BCL2L14: variants seen among roughly 807,000 people sequenced by gnomAD.
The protein encoded by BCL2L14 is apoptosis facilitator Bcl-2-like protein 14.
BCL2L14 carries 27 observed loss-of-function variants against 35.3 expected under a neutral mutation model. The observed-to-expected ratio is 0.76, with a 90% CI of 0.56 to 1.05. The LOEUF is 1.05. Among genes scored for constraint, BCL2L14 ranks in the 50% least tolerant of loss-of-function variants. The pLI is 0.00. For synonymous variants in BCL2L14, 139 were observed against 145.9 expected (o/e 0.95, Z 0.34); for missense variants, 377 against 382.6 (o/e 0.99, Z 0.12).
At position 12,094,734 on chromosome 12, in the gene BCL2L14, C is replaced by A; in HGVS notation, c.749C>A (p.Thr250Lys). The change falls in exon 5 of 6, where the codon ACA (threonine) becomes AAA (lysine). Residue 250 changes from threonine to lysine, a missense_variant. Transcript: ENST00000308721. ...TCCTACTCTGTTTTCAAGACCATCA[C>A]AGACCAGGTCCTAATGGGTGTGGAC... Reference protein sequence around the residue: ...GLSYSVFKTITDQVLMGVDPR... With the variant: ...GLSYSVFKTIKDQVLMGVDPR... The A allele has an allele frequency of 6.2e-7, 1 of 1,614,194 alleles. No homozygotes were observed. Among genetic ancestry groups the A allele is most frequent in the Non-Finnish European group, 8.5e-7 (1 of 1,180,032 alleles).
intron 5 of BCL2L14, among the ~76,000 whole-genome samples, chr12:12,098,148 C>G (rs1422140894): frequency 1.4e-4 from 22 of 151,978 alleles, no homozygotes; most frequent in Admixed American, 1.4e-3. Context: ...TGCTCAGAGT[C>G]CCTTAACGGG....
upstream of BCL2L14, among the ~76,000 whole-genome samples, chr12:12,069,832 C>T (rs557857312): frequency 1.3e-5 from 2 of 152,162 alleles, no homozygotes; most frequent in South Asian, 2.1e-4. Context: ...TGAAAATTCA[C>T]CTCGAGTTAC....
chr12:12,096,018 T>C, intron 5 of BCL2L14: 1 of 985,368 alleles, frequency 1.0e-6, no homozygotes, highest in East Asian at 1.1e-4. Context: ...TAGTTCTACC[T>C]ATTCTTCTTT....
At chr12:12,061,431 C>T (rs4763769) in intron 2 of BCL2L14, among the ~76,000 whole-genome samples, 48 of 149,204 alleles carry the variant, frequency 3.2e-4, no homozygotes, top group South Asian at 6.4e-4. Flanking sequence ...TCGCCTGCTA[C>T]AGCATGGCCT....
chr12:12,078,946 G>A (rs1001678986), intron 1 of BCL2L14, among the ~76,000 whole-genome samples: 44 of 152,160 alleles, frequency 2.9e-4, no homozygotes, highest in African/African-American at 7.0e-4. Context: ...ACAGGCGTGC[G>A]CCACCATGCC....
intron 2 of BCL2L14, chr12:12,054,591 A>G (rs1023967325): frequency 6.6e-6 from 1 of 151,858 alleles, no homozygotes; most frequent in African/African-American, 2.4e-5. Context: ...CTGAACTTTT[A>G]TCTATGTTCT....
intron 2 of BCL2L14, among the ~76,000 whole-genome samples, chr12:12,059,569 C>A (rs906772345): frequency 6.6e-6 from 1 of 151,958 alleles, no homozygotes; most frequent in African/African-American, 2.4e-5. Context: ...AACCTCCTAT[C>A]TCTGTGCCTG....
intron 2 of BCL2L14, among the ~76,000 whole-genome samples, chr12:12,085,477 A>G (rs7959374): frequency 0.17 from 26,611 of 152,216 alleles, 2,655 homozygotes; most frequent in South Asian, 0.27. Flanking sequence ...TACAAAGTGG[A>G]AAGTCTGTTT....
intron 1 of BCL2L14, chr12:12,078,034 C>T (rs1457793667): frequency 2.7e-5 from 11 of 408,670 alleles, no homozygotes; most frequent in Middle Eastern, 3.7e-4. Context: ...TCCTGTTATT[C>T]GTATGGAAAT....
chr12:12,089,515 G>A (rs1033713785), intron 3 of BCL2L14, among the ~76,000 whole-genome samples: 1 of 152,088 alleles, frequency 6.6e-6, no homozygotes, highest in African/African-American at 2.4e-5. Context: ...GGCCAACATA[G>A]CAAAACCCTA....
chr12:12,084,807 C>A (rs916903299), intron 2 of BCL2L14, among the ~76,000 whole-genome samples: 1 of 152,164 alleles, frequency 6.6e-6, no homozygotes, highest in African/African-American at 2.4e-5. Flanking sequence ...GAAATCAATA[C>A]CCTGCTGTAA....
Position 12,058,895 on chromosome 12 carries a change from G to C in BCL2L14, c.-272+7048G>C, listed in dbSNP as rs577545772. Among the ~76,000 whole-genome samples the C allele has an allele frequency of 8.5e-5, 13 of 152,306 alleles. No individual in the cohort carries two copies. The South Asian group carries it at 1.0e-3, about 12-fold the overall frequency. ...CTATGACCTCAGGTTCTCAGACCAA[G>C]CAGCCCAAGAAACATCTCACCAATT... On this transcript the variant is annotated intron_variant, in intron 2 of 3. Coordinates refer to the BCL2L14 transcript ENST00000461264.
rs569913421 is a variant in BCL2L14 at position 12,094,417 on chromosome 12, A to C, written c.679-247A>C. On this transcript the variant is annotated intron_variant, in intron 4 of 5. Transcript: ENST00000308721. ...TATAAGTGCTCAGGAAATATTTGTT[A>C]AATGTCAAATGAACTGACTGTTCCA... is the stretch of plus-strand genomic sequence containing the variant. 2.3e-5 allele frequency: 26 copies of C among 1,141,076 alleles called. 1 individual carries two copies. In the South Asian group the frequency reaches 3.3e-4, roughly 15 times the overall value. 70.7% of individuals were successfully genotyped at this position (1,141,076 alleles called of 1,614,324 possible).
chr12:12,066,712 ATTATTT>A (rs1474120853), upstream of BCL2L14, among the ~76,000 whole-genome samples: 9 of 150,394 alleles, frequency 6.0e-5, no homozygotes, highest in East Asian at 7.8e-4. Flanking sequence ...CATTATTATT[ATTATTT>A]TTTTTTTTTT....
At chr12:12,079,771 C>A in intron 2 of BCL2L14, 33 bp downstream of exon 2, 1 of 1,590,736 alleles carries the variant, frequency 6.3e-7, no homozygotes, top group Non-Finnish European at 8.6e-7. Context: ...TCTCCCGCTT[C>A]CTGGTTTTTC....
At chr12:12,090,639 TAAAAAATAAA>T (rs1949164900) in intron 3 of BCL2L14, 130 bp from the exon 4 acceptor site, 6 of 544,712 alleles carry the variant, frequency 1.1e-5, no homozygotes, top group South Asian at 2.6e-5. Flanking sequence ...GTCTAAAAAA[TAAAAAATAAA>T]AAAAAAAAAA....
chr12:12,087,667 G>C (rs1292686303), intron 3 of BCL2L14, among the ~76,000 whole-genome samples: 1 of 152,258 alleles, frequency 6.6e-6, no homozygotes, highest in Admixed American at 6.5e-5. Context: ...ATTCAGCCTT[G>C]TCTGTGGCGG....
intron 2 of BCL2L14, among the ~76,000 whole-genome samples, chr12:12,053,564 G>T (rs1446491139): frequency 6.6e-6 from 1 of 152,114 alleles, no homozygotes; most frequent in South Asian, 2.1e-4. Context: ...GGGGTTACAG[G>T]CATGTGCCAC....
intron 1 of BCL2L14, among the ~76,000 whole-genome samples, chr12:12,076,117 C>T (rs1416205573): frequency 1.7e-5 from 2 of 119,968 alleles, no homozygotes; most frequent in Non-Finnish European, 3.4e-5. Context: ...GTGGGATGCC[C>T]GGAAAATGCA....
Sources: allele counts gnomAD v4.1 joint callset (sites outside exome capture counted in the v4.1 genomes callset), GRCh38; gene constraint gnomAD v4.1.1; transcripts MANE v1.5; gene names NCBI Gene and HGNC (gene_info 2026-07-23, HGNC 2026-07-21).